The following SPMIP7 variants were observed in gnomAD, a reference collection of about 807,000 sequenced individuals.
SPMIP7 encodes protein SPMIP7.
At chr7:50,158,402 G>C in the SPMIP7 span, among the ~76,000 whole-genome samples, 137,121 of 146,714 alleles carry the variant, frequency 0.93, 64,484 homozygotes, top group Non-Finnish European at 0.99. Flanking sequence ...CAGGTCTCTG[G>C]GTGACCCACC....
the SPMIP7 span, among the ~76,000 whole-genome samples, chr7:50,146,068 A>T: frequency 3.3e-5 from 5 of 152,188 alleles, no homozygotes; most frequent in Non-Finnish European, 7.3e-5. Context: ...GTTGCAGCTT[A>T]ACAAAATTTT....
chr7:50,127,920 C>T, the SPMIP7 span, among the ~76,000 whole-genome samples: 3 of 151,802 alleles, frequency 2.0e-5, no homozygotes, highest in Admixed American at 2.0e-4. Flanking sequence ...CCTCAAAAAC[C>T]TAAAACTAGA....
the SPMIP7 span, chr7:50,120,343 G>A: frequency 2.0e-5 from 3 of 152,150 alleles, no homozygotes; most frequent in South Asian, 2.1e-4. Flanking sequence ...AAAAAATCTT[G>A]AAATTTGTAG....
At chr7:50,145,618 GTATATATATA>G in the SPMIP7 span, among the ~76,000 whole-genome samples, 32 of 27,700 alleles carry the variant, frequency 1.2e-3, 1 homozygote, top group African/African-American at 4.0e-3. Flanking sequence ...ATATGTGTGT[GTATATATATA>G]TATATATATA....
At chr7:50,110,500 A>C in the SPMIP7 span, among the ~76,000 whole-genome samples, 1 of 145,904 alleles carries the variant, frequency 6.9e-6, no homozygotes, top group East Asian at 2.0e-4. Context: ...TGTGCTATAC[A>C]TTATATTTAT....
the SPMIP7 span, among the ~76,000 whole-genome samples, chr7:50,136,526 T>C: frequency 6.6e-6 from 1 of 152,300 alleles, no homozygotes; most frequent in South Asian, 2.1e-4. Flanking sequence ...GAGACTCATC[T>C]CAAATAAACA....
At chr7:50,137,102 T>C in the SPMIP7 span, among the ~76,000 whole-genome samples, 3 of 152,164 alleles carry the variant, frequency 2.0e-5, no homozygotes, top group Non-Finnish European at 4.4e-5. Flanking sequence ...ATATATGGAA[T>C]TGTGTTCTTT....
the SPMIP7 span, among the ~76,000 whole-genome samples, chr7:50,119,095 C>T: frequency 6.6e-6 from 1 of 152,160 alleles, no homozygotes; most frequent in Non-Finnish European, 1.5e-5. Flanking sequence ...ATTGGATCTT[C>T]TGAAAATGAC....
At chr7:50,111,388 T>C in the SPMIP7 span, among the ~76,000 whole-genome samples, 4 of 152,114 alleles carry the variant, frequency 2.6e-5, no homozygotes, top group African/African-American at 7.2e-5. Flanking sequence ...CTGAACCAGA[T>C]GTTCCATTTG....
the SPMIP7 span, among the ~76,000 whole-genome samples, chr7:50,122,378 A>G: frequency 1.0e-4 from 15 of 150,020 alleles, no homozygotes; most frequent in African/African-American, 3.7e-4. Context: ...GAAAGCTGAA[A>G]CTGGATCCCT....
At chr7:50,135,956 T>C in the SPMIP7 span, 1 of 597,040 alleles carries the variant, frequency 1.7e-6, no homozygotes, top group Non-Finnish European at 3.1e-6. Flanking sequence ...CATGAAGTGC[T>C]AGCAAAGCTT....
At chr7:50,118,796 C>T in the SPMIP7 span, among the ~76,000 whole-genome samples, 79,209 of 151,924 alleles carry the variant, frequency 0.52, 21,624 homozygotes, top group East Asian at 0.73. Context: ...AATTTGATTG[C>T]GCTGGCTTTA....
the SPMIP7 span, among the ~76,000 whole-genome samples, chr7:50,125,151 CATATATATACACAT>C: frequency 9.8e-5 from 11 of 111,976 alleles, no homozygotes; most frequent in Non-Finnish European, 1.7e-4. Flanking sequence ...CATATACACA[CATATATATACACAT>C]ATATACACAT....
At chr7:50,118,040 C>A in the SPMIP7 span, among the ~76,000 whole-genome samples, 1 of 152,162 alleles carries the variant, frequency 6.6e-6, no homozygotes. Flanking sequence ...TATGCTAAAT[C>A]AACTAGTGCT....
the SPMIP7 span, among the ~76,000 whole-genome samples, chr7:50,100,215 C>T: frequency 6.6e-6 from 1 of 152,190 alleles, no homozygotes. Context: ...TGGGAACCAA[C>T]TGAGGGGAGA....
chr7:50,156,201 G>C, the SPMIP7 span, among the ~76,000 whole-genome samples: 1 of 152,092 alleles, frequency 6.6e-6, no homozygotes, highest in Non-Finnish European at 1.5e-5. Flanking sequence ...GGCCTTCCAG[G>C]CTCTTCACAT....
the SPMIP7 span, among the ~76,000 whole-genome samples, chr7:50,129,239 A>G: frequency 6.6e-6 from 1 of 152,150 alleles, no homozygotes; most frequent in South Asian, 2.1e-4. Context: ...AAAGGAGGCA[A>G]CAAATTGGTA....
chr7:50,144,659 G>C, the SPMIP7 span, among the ~76,000 whole-genome samples: 1 of 152,044 alleles, frequency 6.6e-6, no homozygotes, highest in Non-Finnish European at 1.5e-5. Context: ...GAATTTGGTA[G>C]GCATGCCCAG....
chr7:50,121,740 G>A, the SPMIP7 span, among the ~76,000 whole-genome samples: 38 of 151,754 alleles, frequency 2.5e-4, no homozygotes, highest in African/African-American at 2.2e-4. Context: ...TGCAACCTCC[G>A]CCTCCCAGGT....
Sources: gnomAD v4.1 joint callset for allele counts (sites outside exome capture counted in the v4.1 genomes callset) on GRCh38, gnomAD v4.1.1 for gene constraint, MANE v1.5 for transcripts, NCBI Gene and HGNC (gene_info 2026-07-23, HGNC 2026-07-21) for gene names.